Variants in PBRM1 observed in about 807,000 individuals in gnomAD.
PBRM1 encodes the protein protein polybromo-1.
Under a neutral mutation model 194.5 loss-of-function variants are expected in PBRM1, and 27 were observed. That is an observed-to-expected ratio of 0.14 (90% confidence interval 0.10 to 0.19). The LOEUF is 0.19. Ranked by LOEUF, PBRM1 falls within the 10% of genes least tolerant of loss-of-function variation. The pLI is 1.00. For synonymous variants in PBRM1, 655 were observed against 693.2 expected, an observed-to-expected ratio of 0.94 and a Z score of 0.87; for missense variants, 1,466 against 2,077.2, an observed-to-expected ratio of 0.71 and a Z score of 5.72.
chr3:52,607,446 T>G (rs2094406558), intron 16 of PBRM1, among the ~76,000 whole-genome samples: 1 of 152,106 alleles, frequency 6.6e-6, no homozygotes, highest in Admixed American at 6.5e-5. Context: ...AATGGGAGAA[T>G]GAAAAGAGCT....
At chr3:52,589,252 G>A (rs2153808872) in exon 18 of PBRM1, 2 of 1,517,432 alleles carry the variant, frequency 1.3e-6, no homozygotes, top group Non-Finnish European at 1.8e-6. Flanking sequence ...ACTCTTTTCA[G>A]CTTCTTAGGT....
intron 10 of PBRM1, among the ~76,000 whole-genome samples, chr3:52,637,851 C>A (rs2095884456): frequency 6.7e-6 from 1 of 148,338 alleles, no homozygotes; most frequent in African/African-American, 2.5e-5. Flanking sequence ...GAGGCTGAGG[C>A]AGGAGAATCA....
At chr3:52,649,180 G>C (rs944925475) in intron 6 of PBRM1, among the ~76,000 whole-genome samples, 1 of 152,158 alleles carries the variant, frequency 6.6e-6, no homozygotes, top group Non-Finnish European at 1.5e-5. Context: ...AAGGAGTGTA[G>C]CTATTTGCCT....
chr3:52,667,977 C>G (rs1390809194), intron 3 of PBRM1, among the ~76,000 whole-genome samples: 1 of 151,776 alleles, frequency 6.6e-6, no homozygotes, highest in Non-Finnish European at 1.5e-5. Flanking sequence ...TTTGAGCAGA[C>G]AGAGAAATAA....
At chr3:52,586,772 ATAACCAACCAACCAAAC>A in intron 19 of PBRM1, 84 bp from the exon 22 acceptor site, 1 of 925,344 alleles carries the variant, frequency 1.1e-6, no homozygotes, top group Non-Finnish European at 1.6e-6. Context: ...AAAAAAGCAA[ATAACCAACCAACCAAAC>A]AAAAGCTGAA....
chr3:52,605,722 C>G (rs1189920348), intron 16 of PBRM1, among the ~76,000 whole-genome samples: 1 of 151,554 alleles, frequency 6.6e-6, no homozygotes, highest in Non-Finnish European at 1.5e-5. Flanking sequence ...CCTGCCTCAG[C>G]CTCTCAAGTA....
intron 17 of PBRM1, among the ~76,000 whole-genome samples, chr3:52,599,368 T>TAA (rs1229578937): frequency 6.6e-6 from 1 of 152,164 alleles, no homozygotes; most frequent in Non-Finnish European, 1.5e-5. Flanking sequence ...ATAAAATGAA[T>TAA]TGTTAATTAT....
At chr3:52,584,158 T>C (rs1215855211) in intron 20 of PBRM1, among the ~76,000 whole-genome samples, 1 of 152,194 alleles carries the variant, frequency 6.6e-6, no homozygotes, top group Non-Finnish European at 1.5e-5. Context: ...AAACAATCTA[T>C]GCAAGTCTTT....
chr3:52,564,138 C>G (rs2153525458), exon 23 of PBRM1: 1 of 1,613,694 alleles, frequency 6.2e-7, no homozygotes, highest in Middle Eastern at 1.6e-4. Flanking sequence ...TTGTCGCTCT[C>G]ATTGTAGCGG....
chr3:52,623,929 T>C (rs1169753619), intron 13 of PBRM1, among the ~76,000 whole-genome samples: 1 of 152,228 alleles, frequency 6.6e-6, no homozygotes, highest in African/African-American at 2.4e-5. Context: ...GTCTTTTTCT[T>C]AAATTTACCA....
intron 22 of PBRM1, among the ~76,000 whole-genome samples, chr3:52,567,060 TC>T (rs780985833): frequency 1.1e-4 from 14 of 122,446 alleles, no homozygotes; most frequent in Non-Finnish European, 1.5e-4. Context: ...AGAGAAAGAC[TC>T]CATCTCAAAA....
At position 52,561,754 on chromosome 3, in the gene PBRM1, AG is replaced by A; in HGVS notation, c.4288+12del. 1.9e-6 allele frequency: 3 copies of A among 1,610,116 alleles called. No homozygotes were observed. Among genetic ancestry groups the A allele is most frequent in the Non-Finnish European group, 2.5e-6 (3 of 1,176,978 alleles). On this transcript the variant is annotated intron_variant, in intron 25 of 29. Transcript: ENST00000296302. The stretch of plus-strand genomic sequence containing the variant: ...CTTGCTTCGAAAGACAGTTGTGCCT[AG>A]GCTCTATTTACCTTCATATTCTGCT...
At chr3:52,675,348 C>T (rs1409452219) in intron 2 of PBRM1, among the ~76,000 whole-genome samples, 2 of 152,190 alleles carry the variant, frequency 1.3e-5, no homozygotes, top group African/African-American at 4.8e-5. Context: ...GGCGAGGTCA[C>T]GTCCTAACTT....
At chr3:52,616,986 A>G (rs1339681646) in intron 14 of PBRM1, among the ~76,000 whole-genome samples, 3 of 152,196 alleles carry the variant, frequency 2.0e-5, no homozygotes, top group Admixed American at 6.5e-5. Flanking sequence ...GCCCTAATTT[A>G]TAGATGAAGA....
Position 52,549,627 on chromosome 3 carries a change from G to A in PBRM1, c.4897+794C>T, listed in dbSNP as rs143185796. 4.0e-3 allele frequency among the ~76,000 whole-genome samples: 611 copies of A among 152,216 alleles called. 3 individuals carry two copies. Among genetic ancestry groups the A allele is most frequent in the South Asian group, 0.023 (109 of 4,816 alleles). ...AAAACCACAACAACACTTTTAGGCA[G>A]GGCGCTGTGACTCATGCCTATAATC... On this transcript the variant is annotated intron_variant, in intron 29 of 29. Coordinates refer to ENST00000296302, the Ensembl canonical transcript of PBRM1.
intron 22 of PBRM1, among the ~76,000 whole-genome samples, chr3:52,576,291 C>T (rs1417415983): frequency 6.6e-6 from 1 of 152,016 alleles, no homozygotes; most frequent in African/African-American, 2.4e-5. Context: ...GTGGTGCATG[C>T]CTATAGTCCC....
At position 52,591,490 on chromosome 3, in the gene PBRM1, G is replaced by A. The variant is rs182370761; in HGVS notation, c.2780-2235C>T. On this transcript the variant is annotated intron_variant, in intron 17 of 29. Transcript: ENST00000296302. ...AAAAAGCCTTTTCTACATCTATTGAGATAATGTAGTTTTTGTCTTTGTTTT... is the reference window on the plus strand; with the variant it reads ...AAAAAGCCTTTTCTACATCTATTGAAATAATGTAGTTTTTGTCTTTGTTTT... Among the ~76,000 whole-genome samples the A allele has an allele frequency of 2.9e-4, 42 of 146,994 alleles. 1 individual carries two copies. In the South Asian group the frequency reaches 3.8e-3, roughly 13 times the overall value.
chr3:52,683,856 A>G (rs1229649347), upstream of PBRM1, among the ~76,000 whole-genome samples: 1 of 152,110 alleles, frequency 6.6e-6, no homozygotes, highest in Non-Finnish European at 1.5e-5. Flanking sequence ...ACCTTCAAAA[A>G]AAAAAGTTTA....
At chr3:52,646,405 C>T (rs780774102) in intron 7 of PBRM1, among the ~76,000 whole-genome samples, 64 of 152,082 alleles carry the variant, frequency 4.2e-4, no homozygotes, top group Admixed American at 4.1e-3. Flanking sequence ...ATGGAATTTG[C>T]AAAGCAATGA....
Sources: allele counts gnomAD v4.1 joint callset (sites outside exome capture counted in the v4.1 genomes callset), GRCh38; gene constraint gnomAD v4.1.1; transcripts MANE v1.5; gene names NCBI Gene and HGNC (gene_info 2026-07-23, HGNC 2026-07-21).